The following CCSER1 variants were observed in gnomAD, a reference collection of about 807,000 sequenced individuals.
CCSER1 encodes coiled-coil serine rich protein 1.
In CCSER1, 41 loss-of-function variants were observed where a neutral mutation model predicts 82.0. The observed-to-expected ratio is 0.50, with a 90% confidence interval of 0.39 to 0.65. CCSER1 has a LOEUF of 0.65. Ranked by LOEUF, CCSER1 falls within the 30% of genes least tolerant of loss-of-function variation. CCSER1 has a pLI of 0.00. For synonymous variants in CCSER1, 414 were observed against 383.9 expected (o/e 1.08, Z -0.92); for missense variants, 1,119 against 1,064.2 (o/e 1.05, Z -0.72).
At chr4:90,413,314 G>A (rs1755185919) in intron 4 of CCSER1, among the ~76,000 whole-genome samples, 2 of 152,024 alleles carry the variant, frequency 1.3e-5, no homozygotes, top group South Asian at 4.1e-4. Flanking sequence ...ACAAACAAAT[G>A]GAAACACATC....
At chr4:91,209,588 T>C (rs935485432) in intron 10 of CCSER1, among the ~76,000 whole-genome samples, 1 of 151,984 alleles carries the variant, frequency 6.6e-6, no homozygotes, top group East Asian at 1.9e-4. Context: ...GATTAGCTTT[T>C]TGATGTGCAG....
intron 8 of CCSER1, among the ~76,000 whole-genome samples, chr4:90,905,140 T>C (rs1725266404): frequency 6.6e-6 from 1 of 152,122 alleles, no homozygotes. Context: ...AAGCATTTCC[T>C]CTAGACAATT....
At chr4:91,565,274 C>G (rs1762836024) in intron 10 of CCSER1, among the ~76,000 whole-genome samples, 2 of 151,942 alleles carry the variant, frequency 1.3e-5, no homozygotes, top group African/African-American at 4.8e-5. Context: ...TGGTTTTGTA[C>G]CAGTACCATG....
chr4:90,618,930 T>C (rs1275726648), intron 5 of CCSER1, among the ~76,000 whole-genome samples: 1 of 151,880 alleles, frequency 6.6e-6, no homozygotes, highest in African/African-American at 2.4e-5. Context: ...AAATGAAATA[T>C]AGTATGTAAG....
intron 10 of CCSER1, among the ~76,000 whole-genome samples, chr4:91,529,354 T>C (rs949786523): frequency 6.6e-6 from 1 of 152,150 alleles, no homozygotes; most frequent in Non-Finnish European, 1.5e-5. Context: ...GCAAGACCCA[T>C]GTAGGGCAAG....
At chr4:90,533,865 C>T in intron 5 of CCSER1, among the ~76,000 whole-genome samples, 1 of 152,102 alleles carries the variant, frequency 6.6e-6, no homozygotes, top group East Asian at 1.9e-4. Context: ...GTATCTATTA[C>T]ATTACAGGTA....
intron 10 of CCSER1, among the ~76,000 whole-genome samples, chr4:91,293,733 A>G (rs1233141312): frequency 6.6e-6 from 1 of 151,776 alleles, no homozygotes; most frequent in Non-Finnish European, 1.5e-5. Flanking sequence ...TTTAACTTTT[A>G]TTTATTATAA....
At chr4:91,499,930 T>C (rs768297126) in intron 10 of CCSER1, among the ~76,000 whole-genome samples, 15 of 152,124 alleles carry the variant, frequency 9.9e-5, no homozygotes, top group Non-Finnish European at 1.8e-4. Flanking sequence ...AAAGCAGTTA[T>C]AAATATCAAT....
chr4:91,603,696 A>G lies in CCSER1; in HGVS notation c.*4639A>G, dbSNP rs942673988. 6.6e-6 allele frequency: 1 copy of G among 152,104 alleles called. No homozygotes were observed. Among genetic ancestry groups the G allele is most frequent in the Admixed American group, 6.6e-5 (1 of 15,248 alleles). 9.4% of individuals were successfully genotyped at this position (152,104 alleles called of 1,614,324 possible). ...CCTACATCTTTCATTCTTTCCAAAC[A>G]TTACCTCTTTAGTAAATTCGGGTTG... On this transcript the variant is annotated 3_prime_UTR_variant, in exon 11 of 11. Transcript: ENST00000509176.
At chr4:91,199,258 T>C (rs1471078489) in intron 10 of CCSER1, among the ~76,000 whole-genome samples, 1 of 151,984 alleles carries the variant, frequency 6.6e-6, no homozygotes, top group Non-Finnish European at 1.5e-5. Flanking sequence ...CCTGAAAAAA[T>C]AATTGAAGCT....
intron 7 of CCSER1, among the ~76,000 whole-genome samples, chr4:90,784,366 G>A (rs536432345): frequency 6.6e-6 from 1 of 152,248 alleles, no homozygotes; most frequent in African/African-American, 2.4e-5. Context: ...TATCATAAAT[G>A]CATATGCTGA....
chr4:90,217,193 C>T (rs941296090), intron 1 of CCSER1, among the ~76,000 whole-genome samples: 11 of 151,870 alleles, frequency 7.2e-5, no homozygotes, highest in African/African-American at 1.5e-4. Context: ...AGTCTTTAGA[C>T]GTTTTTTTGT....
At chr4:90,975,124 A>G (rs1735487618) in intron 9 of CCSER1, among the ~76,000 whole-genome samples, 1 of 151,422 alleles carries the variant, frequency 6.6e-6, no homozygotes, top group African/African-American at 2.4e-5. Context: ...AACATCACTT[A>G]TTGTATGATT....
chr4:90,564,868 T>C (rs1369666980), intron 5 of CCSER1, among the ~76,000 whole-genome samples: 1 of 151,916 alleles, frequency 6.6e-6, no homozygotes, highest in Non-Finnish European at 1.5e-5. Context: ...CCTATTCTGT[T>C]CCATTGGACT....
intron 9 of CCSER1, among the ~76,000 whole-genome samples, chr4:91,082,873 A>G (rs1722937296): frequency 6.6e-6 from 1 of 152,210 alleles, no homozygotes. Context: ...ACCATCTCAC[A>G]CCAGTTAGAA....
chr4:91,239,082 C>G (rs953438618), intron 10 of CCSER1, among the ~76,000 whole-genome samples: 9 of 151,560 alleles, frequency 5.9e-5, no homozygotes, highest in African/African-American at 1.9e-4. Flanking sequence ...ACCTCAGCCT[C>G]CCAAAGTGCT....
chr4:90,422,001 C>A (rs1456187151), intron 4 of CCSER1, among the ~76,000 whole-genome samples: 1 of 152,116 alleles, frequency 6.6e-6, no homozygotes, highest in Admixed American at 6.5e-5. Flanking sequence ...AAGGATAGAA[C>A]ATTTTTAACT....
chr4:91,416,465 G>A lies in CCSER1; in HGVS notation c.2218-182107G>A, dbSNP rs188359369. Among the ~76,000 whole-genome samples, 186 of 152,122 alleles carry A rather than the reference G, an allele frequency of 1.2e-3. 1 individual carries two copies. Among genetic ancestry groups the A allele is most frequent in the Middle Eastern group, 3.4e-3 (1 of 294 alleles). On this transcript the variant is annotated intron_variant, in intron 10 of 10. Transcript: ENST00000509176. ...ACCTGACTTCAAACTATATCACAAG[G>A]CTATAGTAGCCAAAACAGCATGACA...
chr4:90,260,249 T>C (rs72877781), intron 1 of CCSER1, among the ~76,000 whole-genome samples: 6,800 of 152,280 alleles, frequency 0.045, 388 homozygotes, highest in African/African-American at 0.13. Flanking sequence ...AGTTTGTGCA[T>C]GTAAAGGTGT....
Sources: allele counts gnomAD v4.1 joint callset (sites outside exome capture counted in the v4.1 genomes callset), GRCh38; gene constraint gnomAD v4.1.1; transcripts MANE v1.5; gene names NCBI Gene and HGNC (gene_info 2026-07-23, HGNC 2026-07-21).